ARHGAP6: variants seen among roughly 807,000 people sequenced by gnomAD.
ARHGAP6 encodes the protein rho GTPase-activating protein 6.
In ARHGAP6, 16 loss-of-function variants were observed where a neutral mutation model predicts 55.7. That is an observed-to-expected ratio of 0.29 (90% CI 0.19 to 0.44). The LOEUF (loss-of-function observed/expected upper bound fraction) is 0.44, where lower values mean the gene tolerates loss of function less well. ARHGAP6 is among the 20% of genes least tolerant of loss of function. The pLI is 1.00. For missense variants in ARHGAP6, 698 were observed against 808.9 expected, an observed-to-expected ratio of 0.86 and a Z score of 1.66; for synonymous variants, 382 against 360.9, an observed-to-expected ratio of 1.06 and a Z score of -0.66.
chrX:11,138,999 T>C lies in ARHGAP6; in HGVS notation c.2789A>G (p.Asn930Ser), dbSNP rs763040938. Residue 930 changes from asparagine (N) to serine (S), a missense_variant, in exon 13 of 13, where the codon AAC becomes AGC. Around this residue, in one of 3 missense-constraint regions of ARHGAP6, gnomAD observed 212 missense variants for 208.7 expected, o/e 1.02. Coordinates refer to ENST00000337414, the MANE Select transcript of ARHGAP6 (RefSeq NM_013427.3). Reference sequence around the variant, plus strand: ...GTCCTGCTCGCCCGCTGGCAGGGAGTTGGCGCTGCTCAGTTTTTTCTGCGT... The same window carrying C: ...GTCCTGCTCGCCCGCTGGCAGGGAGCTGGCGCTGCTCAGTTTTTTCTGCGT... The part of the protein sequence containing the change: ...QVTQKKLSSA[N>S]SLPAGEQDSP... 1 of 1,207,080 alleles carries C rather than the reference T, an allele frequency of 8.3e-7. No individual in the cohort carries two copies. Among genetic ancestry groups the C allele is most frequent in the Admixed American group, 2.2e-5 (1 of 45,830 alleles).
At chrX:11,158,336 TGAC>T (rs1340703534) in intron 9 of ARHGAP6, among the ~76,000 whole-genome samples, 11 of 111,488 alleles carry the variant, frequency 9.9e-5, no homozygotes, top group African/African-American at 3.6e-4. Flanking sequence ...ATGATTGCGC[TGAC>T]AATTGAGCAA....
At chrX:11,372,812 G>GAAATTATT (rs2049160090) in intron 1 of ARHGAP6, among the ~76,000 whole-genome samples, 1 of 93,745 alleles carries the variant, frequency 1.1e-5, no homozygotes, top group South Asian at 5.2e-4. Context: ...GAAAAGAAAC[G>GAAATTATT]AAATTATTGT....
At chrX:11,653,641 G>T (rs960881131) in intron 1 of ARHGAP6, among the ~76,000 whole-genome samples, 3 of 112,113 alleles carry the variant, frequency 2.7e-5, no homozygotes, top group African/African-American at 9.7e-5. Context: ...AGGTAATTAT[G>T]ACATGAAATC....
chrX:11,362,333 T>C (rs1313518302), intron 1 of ARHGAP6, among the ~76,000 whole-genome samples: 1 of 110,922 alleles, frequency 9.0e-6, no homozygotes, highest in Non-Finnish European at 1.9e-5. Flanking sequence ...CCATAAAAAA[T>C]GATGAGTTCA....
At chrX:11,441,331 G>A (rs1182581807) in intron 1 of ARHGAP6, among the ~76,000 whole-genome samples, 1 of 111,838 alleles carries the variant, frequency 8.9e-6, no homozygotes, top group African/African-American at 3.3e-5. Context: ...TGATAATTGG[G>A]TCTTGTCTTT....
intron 1 of ARHGAP6, among the ~76,000 whole-genome samples, chrX:11,613,114 A>G (rs1323209030): frequency 1.8e-5 from 2 of 112,279 alleles, no homozygotes; most frequent in African/African-American, 6.5e-5. Context: ...TACTCGCTCT[A>G]TCCCTATTCC....
intron 1 of ARHGAP6, among the ~76,000 whole-genome samples, chrX:11,360,074 G>C (rs373026431): frequency 1.8e-5 from 2 of 111,244 alleles, no homozygotes; most frequent in Non-Finnish European, 3.8e-5. Flanking sequence ...TTCTACCAGA[G>C]GTACAAGGAG....
At chrX:11,370,053 T>C (rs1038882935) in intron 1 of ARHGAP6, among the ~76,000 whole-genome samples, 1 of 112,451 alleles carries the variant, frequency 8.9e-6, no homozygotes, top group African/African-American at 3.2e-5. Flanking sequence ...CTGCCTCCTT[T>C]AGTTAGCATG....
At chrX:11,405,063 C>A (rs983759844) in intron 1 of ARHGAP6, among the ~76,000 whole-genome samples, 2 of 112,050 alleles carry the variant, frequency 1.8e-5, no homozygotes, top group Non-Finnish European at 3.8e-5. Flanking sequence ...TGGCACCCAG[C>A]GTCCTGGTAG....
chrX:11,216,347 G>A (rs756630218), intron 2 of ARHGAP6, among the ~76,000 whole-genome samples: 1 of 111,883 alleles, frequency 8.9e-6, no homozygotes, highest in Non-Finnish European at 1.9e-5. Context: ...GTCAGATAAC[G>A]TCTTCTAAGA....
chrX:11,387,558 A>T (rs2049343832), intron 1 of ARHGAP6, among the ~76,000 whole-genome samples: 1 of 110,979 alleles, frequency 9.0e-6, no homozygotes. Context: ...AAAGGAAGAA[A>T]TTTTTTTATT....
chrX:11,567,391 AAAT>A (rs1433719592), intron 1 of ARHGAP6, among the ~76,000 whole-genome samples: 1 of 108,030 alleles, frequency 9.3e-6, no homozygotes, highest in Non-Finnish European at 1.9e-5. Context: ...TCTCTACTAA[AAAT>A]ACAAAAAATA....
At chrX:11,405,305 T>C (rs1488931997) in intron 1 of ARHGAP6, among the ~76,000 whole-genome samples, 2 of 112,051 alleles carry the variant, frequency 1.8e-5, no homozygotes, top group East Asian at 2.8e-4. Context: ...CTTTGCTTTC[T>C]CCATCCTTAG....
At chrX:11,658,900 T>C (rs1000716429) in intron 1 of ARHGAP6, among the ~76,000 whole-genome samples, 35 of 109,858 alleles carry the variant, frequency 3.2e-4, no homozygotes, top group Non-Finnish European at 5.7e-4. Flanking sequence ...CCAGTACCTT[T>C]GGCCTATACC....
At chrX:11,660,296 C>T (rs2052681200) in intron 1 of ARHGAP6, among the ~76,000 whole-genome samples, 1 of 109,448 alleles carries the variant, frequency 9.1e-6, no homozygotes, top group Non-Finnish European at 1.9e-5. Context: ...TGTGGTGGCT[C>T]ATGCCTGTAA....
intron 1 of ARHGAP6, among the ~76,000 whole-genome samples, chrX:11,278,492 C>G (rs2047808450): frequency 8.9e-6 from 1 of 111,798 alleles, no homozygotes; most frequent in African/African-American, 3.3e-5. Flanking sequence ...CTGTCAACAC[C>G]TTGATTTTTG....
intron 1 of ARHGAP6, among the ~76,000 whole-genome samples, chrX:11,563,847 G>T (rs2051413803): frequency 9.0e-6 from 1 of 110,980 alleles, no homozygotes; most frequent in Non-Finnish European, 1.9e-5. Flanking sequence ...AGTTACTGTT[G>T]GTTAACTTAA....
At chrX:11,311,180 G>A (rs897130572) in intron 1 of ARHGAP6, among the ~76,000 whole-genome samples, 1 of 112,027 alleles carries the variant, frequency 8.9e-6, no homozygotes, top group Non-Finnish European at 1.9e-5. Flanking sequence ...TGCCAATGAA[G>A]GAAGCAGTCC....
At chrX:11,256,367 C>A (rs2047494820) in intron 1 of ARHGAP6, among the ~76,000 whole-genome samples, 1 of 111,518 alleles carries the variant, frequency 9.0e-6, no homozygotes, top group Admixed American at 9.5e-5. Context: ...CCAGCCTGGG[C>A]AACAAGAGCA....
Sources: allele counts gnomAD v4.1 joint callset (sites outside exome capture counted in the v4.1 genomes callset), GRCh38; gene constraint gnomAD v4.1.1; regional missense constraint gnomAD v4.1.1; transcripts MANE v1.5; gene names NCBI Gene and HGNC (gene_info 2026-07-23, HGNC 2026-07-21).